Variants in GID8 observed in about 807,000 individuals in gnomAD.
The protein encoded by GID8 is GID complex subunit 8 homolog, also known as glucose-induced degradation protein 8 homolog.
GID8 carries 6 observed loss-of-function variants against 27.4 expected under a neutral mutation model. That is an observed-to-expected ratio of 0.22 (90% CI 0.12 to 0.43). The LOEUF (loss-of-function observed/expected upper bound fraction) is 0.43, where lower values mean the gene tolerates loss of function less well. Ranked by LOEUF, GID8 falls within the 20% of genes least tolerant of loss-of-function variation. The probability of loss-of-function intolerance (pLI) is 1.00; values close to 1 mark genes in which losing one functional copy is unlikely to be tolerated. For missense variants in GID8, 173 were observed against 287.6 expected (o/e 0.60, Z 2.88); for synonymous variants, 112 against 109.0 (o/e 1.03, Z -0.17).
At chr20:62,941,695 A>C in intron 2 of GID8, 75 bp downstream of exon 2, 1 of 839,502 alleles carries the variant, frequency 1.2e-6, no homozygotes, top group South Asian at 1.3e-5. Flanking sequence ...GTGCTGTAGC[A>C]CTGAGGTTTG....
At position 62,938,192 on chromosome 20, in the gene GID8, C is replaced by T. The variant is rs1354062990; in HGVS notation, c.-74C>T. The T allele has an allele frequency of 2.5e-5, 5 of 201,872 alleles. No individual in the cohort carries two copies. The highest frequency in any genetic ancestry group is 5.0e-5 in the Non-Finnish European group (5 of 100,470). 12.5% of individuals were successfully genotyped at this position (201,872 alleles called of 1,614,324 possible). The stretch of plus-strand genomic sequence containing the variant: ...CGGCGGCCGCCACCTCTCCCCAGCC[C>T]AGGAGAGGCTGCGGAGCCGCAGCCG... On this transcript the variant is annotated 5_prime_UTR_variant, in exon 1 of 5. Transcript: ENST00000266069.
In GID8 at chr20:62,945,392, A is replaced by C; in HGVS notation, c.*480A>C. ...TTTCTTTTTCCATAGGAAAGAATAT[A>C]TAAATTTGTAAATCCTAATTCAAAG... On this transcript the variant is annotated 3_prime_UTR_variant, in exon 5 of 5. Transcript: ENST00000266069. 1 of 983,626 alleles carries C rather than the reference A, an allele frequency of 1.0e-6. No homozygotes were observed. Among genetic ancestry groups the C allele is most frequent in the Non-Finnish European group, 1.2e-6 (1 of 827,614 alleles). The allele number at this position is 983,626 out of a possible 1,614,324, so 60.9% of individuals were successfully genotyped here.
rs1397609599 is a variant in GID8, at chr20:62,946,006, G to T, written c.*1094G>T. ...GGCAGGAGGGAAGTGGTGCAGGGCT[G>T]CGTGCATTGCCTGCGAGTCGGGACA... On this transcript the variant is annotated 3_prime_UTR_variant, in exon 5 of 5. Transcript: ENST00000266069. 3 of 1,289,216 alleles carry T rather than the reference G, an allele frequency of 2.3e-6. No homozygotes were observed. Among genetic ancestry groups the T allele is most frequent in the Non-Finnish European group, 3.0e-6 (3 of 988,754 alleles). The allele number at this position is 1,289,216 out of a possible 1,614,324, so 79.9% of individuals were successfully genotyped here.
chr20:62,944,765 G>A lies in GID8; in HGVS notation c.540G>A (p.Val180=). Residue 180 remains valine (V), a synonymous_variant, in exon 5 of 5, where the codon GTG becomes GTA. Transcript: ENST00000266069. ...TGTGGAGTGAAGTTAACCAAGCTGT[G>A]CTAGATTATGAAAATCGCGAGTCAA... ...QKVWSEVNQA[V]LDYENRESTP... 6.2e-7 allele frequency: 1 copy of A among 1,613,880 alleles called. No homozygotes were observed. Among genetic ancestry groups the A allele is most frequent in the Admixed American group, 1.7e-5 (1 of 60,024 alleles).
At position 62,946,760 on chromosome 20, in the gene GID8, AAG is replaced by A. The variant is rs551871512; in HGVS notation, c.*1853_*1854del. 4 of 152,214 alleles carry A rather than the reference AAG, an allele frequency of 2.6e-5. No individual in the cohort carries two copies. The highest frequency in any genetic ancestry group is 2.9e-5 in the Non-Finnish European group (2 of 68,046). 9.4% of individuals were successfully genotyped at this position (152,214 alleles called of 1,614,324 possible). A position where few individuals can be genotyped will look rare whatever the true frequency, so the allele number is the denominator to read the frequency against. On this transcript the variant is annotated 3_prime_UTR_variant, in exon 5 of 5. Transcript: ENST00000266069. ...TGAGGATGAAGATAAGTTGGAGGGAAAGAGAGTAACTAATAGGGGATGAAATA... is the reference window on the plus strand; with the variant it reads ...TGAGGATGAAGATAAGTTGGAGGGAAAGAGTAACTAATAGGGGATGAAATA...
rs748878813 is a variant in GID8, at chr20:62,944,950, C to T, written c.*38C>T. On this transcript the variant is annotated 3_prime_UTR_variant, in exon 5 of 5. Transcript: ENST00000266069. The stretch of plus-strand genomic sequence containing the variant: ...CGTGGTGGATCCAACACCAGCCCTG[C>T]GTCGTGGGACTTGCCTCAGATCAGC... The T allele has an allele frequency of 3.7e-5, 58 of 1,574,296 alleles. No individual in the cohort carries two copies. The highest frequency in any genetic ancestry group is 5.5e-5 in the Admixed American group (3 of 54,330).
Position 62,939,105 on chromosome 20 carries a change from G to A in GID8, c.-13+852G>A, listed in dbSNP as rs546223891. ...TGCCCTCCAGCCTGGGCGACAGAGC[G>A]AGGCTCTGTCTCAAAAAAAAAAGAA... On this transcript the variant is annotated intron_variant, in intron 1 of 4. Coordinates refer to ENST00000266069, the MANE Select transcript of GID8 (RefSeq NM_017896.3). Among the ~76,000 whole-genome samples, 10 of 149,150 alleles carry A rather than the reference G, an allele frequency of 6.7e-5. 1 individual carries two copies. Among genetic ancestry groups the A allele is most frequent in the South Asian group, 4.3e-4 (2 of 4,680 alleles).
chr20:62,945,568 G>T lies in GID8; in HGVS notation c.*656G>T. The T allele has an allele frequency of 8.8e-7, 1 of 1,136,826 alleles. No individual in the cohort carries two copies. The highest frequency in any genetic ancestry group is 1.1e-6 in the Non-Finnish European group (1 of 915,138). 70.4% of individuals were successfully genotyped at this position (1,136,826 alleles called of 1,614,324 possible). ...GTGTGTGGTAAGAGACTTGTTCCTA[G>T]TGGATCAATGAACCATCTCTTCTGG... On this transcript the variant is annotated 3_prime_UTR_variant, in exon 5 of 5. Coordinates refer to ENST00000266069, the MANE Select transcript of GID8 (RefSeq NM_017896.3).
chr20:62,941,411 C>T (rs560572994), intron 1 of GID8, 80 bp from the exon 2 acceptor site: 5 of 783,626 alleles, frequency 6.4e-6, no homozygotes, highest in South Asian at 5.8e-5. Flanking sequence ...GATTCTCCGG[C>T]TCACAGCTCT....
At chr20:62,942,460 T>A (rs529773714) in intron 2 of GID8, among the ~76,000 whole-genome samples, 38 of 152,152 alleles carry the variant, frequency 2.5e-4, no homozygotes, top group African/African-American at 8.9e-4. Context: ...TCAAAAAAAA[T>A]ATTTTTGGAA....
intron 1 of GID8, among the ~76,000 whole-genome samples, 191 bp downstream of exon 1, chr20:62,938,444 CA>C (rs1417397196): frequency 1.3e-5 from 2 of 152,046 alleles, no homozygotes; most frequent in Non-Finnish European, 2.9e-5. Context: ...CGCCGGTGCC[CA>C]GGGGGCAGTC....
chr20:62,942,715 C>A lies in GID8; in HGVS notation c.119-272C>A, dbSNP rs538060560. 4.6e-5 allele frequency among the ~76,000 whole-genome samples: 7 copies of A among 152,348 alleles called. No individual in the cohort carries two copies. In the South Asian group the frequency reaches 1.0e-3, roughly 23 times the overall value. On this transcript the variant is annotated intron_variant, in intron 2 of 4. Coordinates refer to ENST00000266069, the MANE Select transcript of GID8 (RefSeq NM_017896.3). The stretch of plus-strand genomic sequence containing the variant: ...GTCCTCTCAAAGGAGCCCACACCAA[C>A]ACACTGGGCCAGCAGCCATTCTGAC...
intron 4 of GID8, among the ~76,000 whole-genome samples, chr20:62,944,066 C>T (rs1366977853): frequency 1.3e-5 from 2 of 152,090 alleles, no homozygotes; most frequent in Non-Finnish European, 2.9e-5. Flanking sequence ...GAACCCCTGA[C>T]CTCAGGTGAT....
At chr20:62,942,159 T>C (rs754549751) in intron 2 of GID8, among the ~76,000 whole-genome samples, 16 of 152,190 alleles carry the variant, frequency 1.1e-4, no homozygotes, top group Non-Finnish European at 1.9e-4. Context: ...TTAATCTCTG[T>C]GAAACTTTTT....
chr20:62,944,011 T>A (rs565517785), intron 4 of GID8, among the ~76,000 whole-genome samples: 1 of 152,196 alleles, frequency 6.6e-6, no homozygotes, highest in South Asian at 2.1e-4. Flanking sequence ...AAGTTTTGTA[T>A]TTTTAGTGGA....
intron 1 of GID8, chr20:62,938,968 A>G (rs2065423319): frequency 6.6e-6 from 1 of 152,216 alleles, no homozygotes; most frequent in Non-Finnish European, 1.5e-5. Flanking sequence ...AAATAAAAAA[A>G]TTAGCCAGGC....
In GID8 at chr20:62,944,719, C is replaced by T; in HGVS notation, c.514-20C>T. The T allele has an allele frequency of 1.9e-6, 3 of 1,553,832 alleles. No homozygotes were observed. The highest frequency in any genetic ancestry group is 2.7e-6 in the Non-Finnish European group (3 of 1,125,344). On this transcript the variant is annotated intron_variant, in intron 4 of 4. Coordinates refer to ENST00000266069, the MANE Select transcript of GID8 (RefSeq NM_017896.3). Reference sequence around the variant, plus strand: ...GCTCTGCGTGTATGGTGGTTTTTATCAGATGTATTTATATTCTAGGTGTGG... The same window carrying T: ...GCTCTGCGTGTATGGTGGTTTTTATTAGATGTATTTATATTCTAGGTGTGG...
At chr20:62,939,641 C>T (rs929632216) in intron 1 of GID8, among the ~76,000 whole-genome samples, 8 of 152,096 alleles carry the variant, frequency 5.3e-5, no homozygotes, top group Non-Finnish European at 2.9e-5. Flanking sequence ...CTATTCTTCC[C>T]TCTCTTTTGT....
rs1205699537 is a variant in GID8, at chr20:62,945,562, T to A, written c.*650T>A. ...GGTGCTGTGTGTGGTAAGAGACTTG[T>A]TCCTAGTGGATCAATGAACCATCTC... On this transcript the variant is annotated 3_prime_UTR_variant, in exon 5 of 5. Transcript: ENST00000266069. 8.8e-7 allele frequency: 1 copy of A among 1,135,464 alleles called. No individual in the cohort carries two copies. Among genetic ancestry groups the A allele is most frequent in the East Asian group, 7.0e-5 (1 of 14,212 alleles). 70.3% of individuals were successfully genotyped at this position (1,135,464 alleles called of 1,614,324 possible).
Sources: gnomAD v4.1 joint callset for allele counts (sites outside exome capture counted in the v4.1 genomes callset) on GRCh38, gnomAD v4.1.1 for gene constraint, MANE v1.5 for transcripts, NCBI Gene and HGNC (gene_info 2026-07-23, HGNC 2026-07-21) for gene names.